NPM1: variants seen among roughly 807,000 people sequenced by gnomAD.
NPM1 encodes nucleophosmin.
A neutral mutation model predicts 44.1 loss-of-function variants in NPM1; 1 was observed. The observed-to-expected ratio is 0.02, with a 90% confidence interval of 0.01 to 0.11. The LOEUF (loss-of-function observed/expected upper bound fraction) is 0.11. Among genes scored for constraint, NPM1 ranks in the 10% least tolerant of loss-of-function variants. The pLI is 1.00. For missense variants in NPM1, 197 were observed against 347.8 expected, an observed-to-expected ratio of 0.57 and a Z score of 3.45; for synonymous variants, 126 against 111.8, an observed-to-expected ratio of 1.13 and a Z score of -0.80.
At position 171,396,952 on chromosome 5, in the gene NPM1, A is replaced by C. The variant is rs538729610; in HGVS notation, c.525-3201A>C. Among the ~76,000 whole-genome samples the C allele has an allele frequency of 5.3e-5, 8 of 152,330 alleles. No individual in the cohort carries two copies. The South Asian group carries it at 1.7e-3, about 32-fold the overall frequency. On this transcript the variant is annotated intron_variant, in intron 6 of 10. Coordinates refer to ENST00000296930, the MANE Select transcript of NPM1 (RefSeq NM_002520.7). Reference sequence around the variant, plus strand: ...CGCACCATTGCATTCCAGATTGGGCAACAAGAGTAAAACTCAAAAAAAAAT... The same window carrying C: ...CGCACCATTGCATTCCAGATTGGGCCACAAGAGTAAAACTCAAAAAAAAAT...
intron 2 of NPM1, chr5:171,391,077 A>G: frequency 2.2e-6 from 1 of 463,128 alleles, no homozygotes; most frequent in Non-Finnish European, 3.9e-6. Flanking sequence ...AGTATTCAGT[A>G]CAGTAACACT....
At chr5:171,391,167 G>C in intron 2 of NPM1, 138 bp from the exon 3 acceptor site, 1 of 964,906 alleles carries the variant, frequency 1.0e-6, no homozygotes, top group South Asian at 1.6e-5. Context: ...ATTGTACAAA[G>C]ATGAAATTGT....
intron 8 of NPM1, 72 bp downstream of exon 8, chr5:171,400,997 AGT>A (rs1771169313): frequency 9.4e-7 from 1 of 1,061,450 alleles, no homozygotes. Context: ...GGAAGAATCT[AGT>A]GTGTCTGAAA....
intron 6 of NPM1, among the ~76,000 whole-genome samples, chr5:171,398,921 G>T (rs1038484283): frequency 6.7e-6 from 1 of 149,814 alleles, no homozygotes; most frequent in African/African-American, 2.5e-5. Flanking sequence ...GCACAGTGGC[G>T]TGATCTTGGC....
intron 3 of NPM1, 33 bp downstream of exon 3, chr5:171,391,457 C>A: frequency 1.2e-6 from 2 of 1,602,768 alleles, no homozygotes; most frequent in South Asian, 2.2e-5. Context: ...GATGTTGTGT[C>A]AAGGTTTAAT....
chr5:171,407,706 T>C lies in NPM1; in HGVS notation c.778T>C (p.Ser260Pro). Reference protein sequence around the residue: ...KMQASIEKGGSLPKVEAKFIN... With the variant: ...KMQASIEKGGPLPKVEAKFIN... ...AATGCTTTTGTCTTAATAGGGTGGT[T>C]CTCTTCCCAAAGTGGAAGCCAAATT... Residue 260 changes from serine to proline, a missense_variant, in exon 10 of 11, where the codon TCT becomes CCT. Ser to Pro is a moderately conservative substitution (Grantham distance 74, BLOSUM62 -1). This residue lies in a region of NPM1 where 47 missense variants were observed against 106.5 expected (regional missense o/e 0.44). Transcript: ENST00000296930. 3.8e-6 allele frequency: 6 copies of C among 1,598,488 alleles called. No individual in the cohort carries two copies. The highest frequency in any genetic ancestry group is 5.1e-6 in the Non-Finnish European group (6 of 1,166,170).
At chr5:171,402,053 C>CTTT (rs34648553) in intron 8 of NPM1, among the ~76,000 whole-genome samples, 3,110 of 133,592 alleles carry the variant, frequency 0.023, 98 homozygotes, top group African/African-American at 0.063. Context: ...TTCTGATTTC[C>CTTT]TTTTTTTTTT....
In NPM1 at chr5:171,400,936, A is replaced by T; in HGVS notation, c.669+11A>T. 1 of 1,545,954 alleles carries T rather than the reference A, an allele frequency of 6.5e-7. No individual in the cohort carries two copies. The highest frequency in any genetic ancestry group is 1.1e-5 in the South Asian group (1 of 89,654). Reference sequence around the variant, plus strand: ...ACACCAAGATCAAAAGTAAGTGGCTACATTTACACGTGGGTCTCATTGATC... The same window carrying T: ...ACACCAAGATCAAAAGTAAGTGGCTTCATTTACACGTGGGTCTCATTGATC... On this transcript the variant is annotated intron_variant, in intron 8 of 10. Transcript: ENST00000296930.
intron 8 of NPM1, among the ~76,000 whole-genome samples, chr5:171,401,512 C>A (rs576721976): frequency 1.3e-5 from 2 of 152,150 alleles, no homozygotes; most frequent in South Asian, 4.1e-4. Flanking sequence ...TCTCGGCTTA[C>A]TGCAACCTTC....
chr5:171,391,483 G>C (rs1770576283), intron 3 of NPM1, 59 bp downstream of exon 3: 1 of 1,589,978 alleles, frequency 6.3e-7, no homozygotes, highest in African/African-American at 1.3e-5. Context: ...TTTAAGGTAG[G>C]TTTGGTGTCA....
chr5:171,394,098 G>A (rs1353930681), intron 6 of NPM1, among the ~76,000 whole-genome samples: 1 of 145,988 alleles, frequency 6.8e-6, no homozygotes, highest in Non-Finnish European at 1.5e-5. Flanking sequence ...CTGGAGTGCG[G>A]TGGCGCCATC....
chr5:171,388,134 G>C (rs987204286), intron 1 of NPM1, 128 bp downstream of exon 1: 3 of 865,272 alleles, frequency 3.5e-6, no homozygotes, highest in African/African-American at 1.7e-5. Flanking sequence ...AGGCCTGAGC[G>C]GGTGGGAAGA....
intron 8 of NPM1, among the ~76,000 whole-genome samples, chr5:171,401,720 C>T (rs556320164): frequency 3.3e-5 from 5 of 152,160 alleles, no homozygotes; most frequent in South Asian, 4.1e-4. Flanking sequence ...TGAGCCACCA[C>T]GCCTGGCCTG....
chr5:171,404,023 T>A (rs1188401197), intron 8 of NPM1, among the ~76,000 whole-genome samples: 5 of 53,488 alleles, frequency 9.3e-5, no homozygotes, highest in African/African-American at 2.5e-4. Flanking sequence ...CACTTCCCAG[T>A]AGGGGCGGCC....
At chr5:171,395,398 C>T (rs908005688) in intron 6 of NPM1, among the ~76,000 whole-genome samples, 1 of 151,872 alleles carries the variant, frequency 6.6e-6, no homozygotes, top group Admixed American at 6.6e-5. Context: ...CTTCCAGGTT[C>T]AAGTGATTCT....
intron 6 of NPM1, among the ~76,000 whole-genome samples, chr5:171,398,551 G>A (rs1268106526): frequency 6.6e-6 from 1 of 152,134 alleles, no homozygotes. Context: ...GAGGCAGGCG[G>A]ATCATGACCA....
At chr5:171,390,254 G>C in intron 2 of NPM1, 124 bp downstream of exon 2, 1 of 556,058 alleles carries the variant, frequency 1.8e-6, no homozygotes, top group Non-Finnish European at 3.1e-6. Flanking sequence ...TCTTACACCT[G>C]GGTATTGTGT....
In NPM1 at chr5:171,408,483, A is replaced by G. The variant is rs549377792; in HGVS notation, c.846+709A>G. ...TTCAAAAAATTAGGAAAATTTGGCA[A>G]TTAGCTGGTTTTTTTTCTGCCATAG... On this transcript the variant is annotated intron_variant, in intron 10 of 10. Transcript: ENST00000296930. 1.1e-3 allele frequency among the ~76,000 whole-genome samples: 168 copies of G among 152,216 alleles called. 1 individual carries two copies. Among genetic ancestry groups the G allele is most frequent in the African/African-American group, 3.6e-3 (151 of 41,554 alleles).
In NPM1 at chr5:171,410,756, A is replaced by G. The variant is rs558316376; in HGVS notation, c.*191A>G. On this transcript the variant is annotated 3_prime_UTR_variant, in exon 11 of 11. Transcript: ENST00000296930. ...GTTTAGTTTTTAAAGATGGAACTCC[A>G]CCCTTTGCTTGGTTTTAAGTATGTA... is the stretch of plus-strand genomic sequence containing the variant. 7.3e-4 allele frequency: 362 copies of G among 495,786 alleles called. 1 individual carries two copies. The highest frequency in any genetic ancestry group is 5.8e-3 in the African/African-American group (294 of 50,722). The allele number at this position is 495,786 out of a possible 1,614,324, so 30.7% of individuals were successfully genotyped here.
Sources: gnomAD v4.1 joint callset for allele counts (sites outside exome capture counted in the v4.1 genomes callset) on GRCh38, gnomAD v4.1.1 for gene constraint, gnomAD v4.1.1 regional missense constraint, MANE v1.5 for transcripts, NCBI Gene and HGNC (gene_info 2026-07-23, HGNC 2026-07-21) for gene names.